Variants in CPNE1 observed in about 807,000 individuals in gnomAD.
The protein encoded by CPNE1 is copine-1.
Under a neutral mutation model 63.2 loss-of-function variants are expected in CPNE1, and 58 were observed. That is an observed-to-expected ratio of 0.92 (90% confidence interval 0.74 to 1.14). CPNE1 has a LOEUF of 1.14. CPNE1 is among the 50% of genes most tolerant of loss of function. CPNE1 has a pLI of 0.00. For missense variants in CPNE1, 672 were observed against 661.7 expected, an observed-to-expected ratio of 1.02 and a Z score of -0.17; for synonymous variants, 237 against 249.0, an observed-to-expected ratio of 0.95 and a Z score of 0.45.
intron 14 of CPNE1, 92 bp downstream of exon 14, chr20:35,627,186 TCA>T: frequency 1.7e-6 from 1 of 602,234 alleles, no homozygotes; most frequent in South Asian, 2.9e-5. Context: ...AGAGTCCATC[TCA>T]AAAAAAAAAA....
chr20:35,651,598 G>C (rs1430912415), intron 1 of CPNE1: 2 of 152,012 alleles, frequency 1.3e-5, no homozygotes, highest in Non-Finnish European at 2.9e-5. Flanking sequence ...TCACATAATC[G>C]GGACAGGAGG....
At chr20:35,653,009 A>C in intron 1 of CPNE1, 1 of 1,613,842 alleles carries the variant, frequency 6.2e-7, no homozygotes, top group Non-Finnish European at 8.5e-7. Context: ...CCACCTCCAA[A>C]ACCCGGAACA....
chr20:35,652,291 T>C (rs2033578586), intron 1 of CPNE1: 1 of 460,666 alleles, frequency 2.2e-6, no homozygotes, highest in Non-Finnish European at 3.8e-6. Context: ...TCTAATGGTA[T>C]GCCAAAATCA....
chr20:35,627,469 G>T lies in CPNE1; in HGVS notation c.1103-56C>A, dbSNP rs1360869966. 3.8e-6 allele frequency: 6 copies of T among 1,567,678 alleles called. No homozygotes were observed. The East Asian group carries it at 9.1e-5, about 24-fold the overall frequency. On this transcript the variant is annotated intron_variant, in intron 13 of 15. Transcript: ENST00000397443. ...TCCTGGACCTCTCAGGACTACACCA[G>T]TCCTGAAATCACCCCATCCCAGCCC...
intron 1 of CPNE1, chr20:35,652,264 G>A (rs1046178986): frequency 5.1e-5 from 18 of 350,756 alleles, no homozygotes; most frequent in Non-Finnish European, 8.3e-5. Flanking sequence ...GGTCATTTGA[G>A]TTTTACAAAT....
chr20:35,630,706 T>C (rs1406935450), intron 12 of CPNE1, 35 bp downstream of exon 12: 2 of 1,611,012 alleles, frequency 1.2e-6, no homozygotes, highest in African/African-American at 2.7e-5. Flanking sequence ...ACCCTGAAAC[T>C]GAAAACAGGA....
At chr20:35,655,010 A>T in intron 1 of CPNE1, 1 of 1,614,130 alleles carries the variant, frequency 6.2e-7, no homozygotes, top group Non-Finnish European at 8.5e-7. Context: ...GGTGGTCCTG[A>T]TCTACTGGCA....
At chr20:35,661,729 A>G (rs530495931) in intron 1 of CPNE1, among the ~76,000 whole-genome samples, 1 of 152,340 alleles carries the variant, frequency 6.6e-6, no homozygotes, top group Admixed American at 6.5e-5. Context: ...TCAGAAAAAA[A>G]TGTCTGACAA....
chr20:35,659,839 C>T (rs1465717299), intron 1 of CPNE1, among the ~76,000 whole-genome samples: 3 of 152,026 alleles, frequency 2.0e-5, no homozygotes, highest in African/African-American at 7.2e-5. Context: ...ATTCAAAGGT[C>T]ATTTTTTGCT....
chr20:35,629,848 G>A (rs1289394649), intron 13 of CPNE1, among the ~76,000 whole-genome samples: 1 of 151,954 alleles, frequency 6.6e-6, no homozygotes, highest in African/African-American at 2.4e-5. Flanking sequence ...TAGTAGAGAT[G>A]GGGTTTTGCC....
chr20:35,631,823 C>T (rs1208171305), intron 6 of CPNE1, 46 bp from the exon 7 acceptor site: 1 of 1,565,286 alleles, frequency 6.4e-7, no homozygotes, highest in Non-Finnish European at 8.8e-7. Context: ...GCATGGCCCC[C>T]TGAGGAGCTG....
At position 35,626,811 on chromosome 20, in the gene CPNE1, C is replaced by A. The variant is rs190206510; in HGVS notation, c.1237-8G>T. ...CAACAGCATGAAGTATTGCTGGGGA[C>A]AAGCCCATTCATGTCCTGAAGCAGA... is the stretch of plus-strand genomic sequence containing the variant. On this transcript the variant is annotated splice_polypyrimidine_tract_variant and splice_region_variant and intron_variant, in intron 14 of 15. Transcript: ENST00000397443. 2.9e-5 allele frequency: 47 copies of A among 1,608,282 alleles called. No individual in the cohort carries two copies. In the Admixed American group the frequency reaches 7.5e-4, roughly 26 times the overall value.
At position 35,630,935 on chromosome 20, in the gene CPNE1, A is replaced by G. The variant is rs749083164; in HGVS notation, c.961T>C (p.Trp321Arg). The change falls in exon 11 of 16, where the codon TGG (tryptophan) becomes CGG (arginine). Residue 321 changes from tryptophan to arginine, a missense_variant. Coordinates refer to ENST00000397443, the MANE Select transcript of CPNE1 (RefSeq NM_152925.3). ...TGVNEYLMALWSVGSVVQDYD... is the reference protein window; with the variant it reads ...TGVNEYLMALRSVGSVVQDYD... ...TCCTGAACCACGCTGCCCACACTCC[A>G]CAGTGCCATCAGGTACTCATTGACC... 6.8e-6 allele frequency: 11 copies of G among 1,612,982 alleles called. No individual in the cohort carries two copies. In the South Asian group the frequency reaches 1.2e-4, roughly 18 times the overall value.
intron 1 of CPNE1, chr20:35,653,336 G>A: frequency 1.2e-6 from 2 of 1,613,874 alleles, no homozygotes; most frequent in Non-Finnish European, 1.7e-6. Context: ...CCTGCACTGG[G>A]CAGTCCCACA....
chr20:35,650,702 A>G (rs2033445357), intron 1 of CPNE1: 1 of 152,602 alleles, frequency 6.6e-6, no homozygotes, highest in Non-Finnish European at 1.5e-5. Context: ...AAAATCCTGT[A>G]CTGTCAATCC....
At chr20:35,626,545 GA>G in intron 15 of CPNE1, 21 bp downstream of exon 15, 1 of 1,609,826 alleles carries the variant, frequency 6.2e-7, no homozygotes, top group Non-Finnish European at 8.5e-7. Context: ...TAAACTCCCA[GA>G]TCAAATTTGC....
At chr20:35,651,632 T>TC (rs11480109) in intron 1 of CPNE1, 10,301 of 152,354 alleles carry the variant, frequency 0.068, 428 homozygotes, top group South Asian at 0.18. Flanking sequence ...AATTAGTCCA[T>TC]ATGAAAAGGA....
intron 1 of CPNE1, chr20:35,658,853 A>C: frequency 1.4e-6 from 1 of 696,012 alleles, no homozygotes. Flanking sequence ...TAGTTGCTAC[A>C]TATATTTTCA....
chr20:35,626,947 G>A, intron 14 of CPNE1, 144 bp from the exon 15 acceptor site: 1 of 738,878 alleles, frequency 1.4e-6, no homozygotes. Context: ...CAGCACTTTG[G>A]GAGGCTAAGG....
Sources: gnomAD v4.1 joint callset for allele counts (sites outside exome capture counted in the v4.1 genomes callset) on GRCh38, gnomAD v4.1.1 for gene constraint, MANE v1.5 for transcripts, NCBI Gene and HGNC (gene_info 2026-07-23, HGNC 2026-07-21) for gene names.